The following CPAMD8 variants were observed in gnomAD, a reference collection of about 807,000 sequenced individuals.
The protein encoded by CPAMD8 is C3 and PZP like alpha-2-macroglobulin domain containing 8, also known as C3 and PZP-like alpha-2-macroglobulin domain-containing protein 8.
In CPAMD8, 146 loss-of-function variants were observed where a neutral mutation model predicts 224.7. That is an observed-to-expected ratio of 0.65 (90% CI 0.57 to 0.75). CPAMD8 has a LOEUF of 0.75. Ranked by LOEUF, CPAMD8 falls within the 30% of genes least tolerant of loss-of-function variation. The pLI is 0.00. For synonymous variants in CPAMD8, 966 were observed against 1,044.6 expected (o/e 0.92, Z 1.45); for missense variants, 2,301 against 2,537.5 (o/e 0.91, Z 2.00).
chr19:17,021,520 A>G (rs776101718), intron 2 of CPAMD8, among the ~76,000 whole-genome samples: 1 of 152,140 alleles, frequency 6.6e-6, no homozygotes, highest in African/African-American at 2.4e-5. Context: ...CAGCTTTCTG[A>G]GCCAGGGATC....
At chr19:16,954,146 T>C (rs1251547073) in intron 19 of CPAMD8, among the ~76,000 whole-genome samples, 1 of 151,710 alleles carries the variant, frequency 6.6e-6, no homozygotes, top group East Asian at 1.9e-4. Flanking sequence ...CACCCAGAAG[T>C]AGTGGGTGAA....
intron 30 of CPAMD8, among the ~76,000 whole-genome samples, chr19:16,905,917 A>G (rs1188990670): frequency 6.6e-6 from 1 of 152,106 alleles, no homozygotes; most frequent in African/African-American, 2.4e-5. Context: ...GGGGAGACTG[A>G]CAGCTCAAAA....
intron 21 of CPAMD8, among the ~76,000 whole-genome samples, chr19:16,946,556 T>C (rs2122263407): frequency 6.7e-6 from 1 of 149,766 alleles, no homozygotes; most frequent in South Asian, 2.1e-4. Flanking sequence ...TGTGGGCGTG[T>C]GTGTGGATTT....
intron 15 of CPAMD8, among the ~76,000 whole-genome samples, chr19:16,976,550 T>C (rs2055280190): frequency 6.6e-6 from 1 of 151,964 alleles, no homozygotes; most frequent in African/African-American, 2.4e-5. Flanking sequence ...GCCCCACCCA[T>C]GCACCCCCTG....
chr19:16,927,048 C>T (rs138227489), intron 25 of CPAMD8, among the ~76,000 whole-genome samples: 5 of 152,218 alleles, frequency 3.3e-5, no homozygotes, highest in African/African-American at 1.2e-4. Flanking sequence ...CCATCCCAAA[C>T]TCTCACCACC....
At chr19:16,987,206 A>ATATATATATATATATATATATG (rs1270399487) in intron 13 of CPAMD8, among the ~76,000 whole-genome samples, 1 of 127,900 alleles carries the variant, frequency 7.8e-6, no homozygotes, top group African/African-American at 2.9e-5. Context: ...ATATATATAT[A>ATATATATATATATATATATATG]TATGTATATG....
chr19:16,912,766 C>G (rs999473326), intron 29 of CPAMD8, among the ~76,000 whole-genome samples: 9 of 151,962 alleles, frequency 5.9e-5, no homozygotes, highest in African/African-American at 1.7e-4. Context: ...AAAAAAAAGT[C>G]TCACCTCAAG....
intron 20 of CPAMD8, among the ~76,000 whole-genome samples, chr19:16,951,012 A>AAGAG (rs956146125): frequency 6.6e-6 from 1 of 152,060 alleles, no homozygotes; most frequent in Admixed American, 6.6e-5. Flanking sequence ...TGCCGCCTCC[A>AAGAG]AGAGAGAGCT....
At chr19:16,968,346 T>A (rs1468291274) in intron 18 of CPAMD8, among the ~76,000 whole-genome samples, 5 of 152,128 alleles carry the variant, frequency 3.3e-5, no homozygotes, top group Admixed American at 3.3e-4. Context: ...GACTGAAGCA[T>A]CCAGGAGCCA....
chr19:16,918,747 C>CTTTTTTTTTT (rs3029467), intron 27 of CPAMD8, among the ~76,000 whole-genome samples: 1 of 127,510 alleles, frequency 7.8e-6, no homozygotes. Flanking sequence ...CACACCCAGA[C>CTTTTTTTTTT]TTTTTTTTTT....
chr19:16,960,160 C>T (rs770280663), intron 18 of CPAMD8, among the ~76,000 whole-genome samples: 31 of 151,772 alleles, frequency 2.0e-4, no homozygotes, highest in Admixed American at 4.6e-4. Context: ...TTGTTTGAGC[C>T]TCAGAAGCCT....
rs897332106 is a variant in CPAMD8, at chr19:16,896,655, G to A, written c.5076C>T (p.Pro1692=). The part of the protein sequence containing the change: ...RAPARGPGWF[P]GESGPAVAPE... ...GGGCCACGGCAGGGCCCGACTCGCC[G>A]GGGAACCAGCCTGGGGGACGAGGCA... Residue 1692 remains proline, a synonymous_variant, in exon 40 of 42, where the codon CCC becomes CCT. Coordinates refer to ENST00000443236, the MANE Select transcript of CPAMD8 (RefSeq NM_015692.5). 3.3e-5 allele frequency: 48 copies of A among 1,460,580 alleles called. No homozygotes were observed. In the African/African-American group the frequency reaches 6.2e-4, roughly 19 times the overall value. 90.5% of individuals were successfully genotyped at this position (1,460,580 alleles called of 1,614,324 possible). A position where few individuals can be genotyped will look rare whatever the true frequency, so the allele number is the denominator to read the frequency against.
chr19:16,942,879 A>G (rs2053947209), intron 22 of CPAMD8, among the ~76,000 whole-genome samples: 1 of 152,148 alleles, frequency 6.6e-6, no homozygotes. Flanking sequence ...GGGCATTTCT[A>G]AAGCCTTGTA....
At chr19:16,904,176 A>AGGGCCCCCCCCCCCCCCCCCC in intron 32 of CPAMD8, 50 bp downstream of exon 32, 3 of 937,338 alleles carry the variant, frequency 3.2e-6, no homozygotes, top group Non-Finnish European at 5.0e-6. Context: ...GACTGCAGGG[A>AGGGCCCCCCCCCCCCCCCCCC]CCCCACCCAC....
At position 16,898,558 on chromosome 19, in the gene CPAMD8, C is replaced by T. The variant is rs1352805792; in HGVS notation, c.4849-564G>A. On this transcript the variant is annotated intron_variant, in intron 37 of 41. Transcript: ENST00000443236. The surrounding 1 kb of genome is among the most constrained non-coding windows in gnomAD (Gnocchi z 4.2). The stretch of plus-strand genomic sequence containing the variant: ...TGCAATCATCACCTCTGTCTAGTTA[C>T]AGAACGGTTTCTTTCTCCCCCAAAG... 2.0e-5 allele frequency among the ~76,000 whole-genome samples: 3 copies of T among 152,154 alleles called. No individual in the cohort carries two copies. The highest frequency in any genetic ancestry group is 7.2e-5 in the African/African-American group (3 of 41,448).
chr19:16,950,119 G>A (rs564818655), intron 20 of CPAMD8, among the ~76,000 whole-genome samples: 36 of 152,066 alleles, frequency 2.4e-4, no homozygotes, highest in African/African-American at 7.2e-4. Flanking sequence ...CCAACATAGT[G>A]AAACCCCGTC....
Position 16,945,537 on chromosome 19 carries a change from A to C in CPAMD8, c.2793+12T>G. The C allele has an allele frequency of 6.2e-7, 1 of 1,613,428 alleles. No individual in the cohort carries two copies. The highest frequency in any genetic ancestry group is 8.5e-7 in the Non-Finnish European group (1 of 1,179,560). On this transcript the variant is annotated intron_variant, in intron 22 of 41. Coordinates refer to ENST00000443236, the MANE Select transcript of CPAMD8 (RefSeq NM_015692.5). Reference sequence around the variant, plus strand: ...CCCTGGCTAAGCACCAGAGATGAGGACACGGCCTTACCTCAACCATCACAC... The same window carrying C: ...CCCTGGCTAAGCACCAGAGATGAGGCCACGGCCTTACCTCAACCATCACAC...
chr19:17,020,702 G>A (rs1465987051), intron 2 of CPAMD8, among the ~76,000 whole-genome samples: 3 of 152,206 alleles, frequency 2.0e-5, no homozygotes, highest in Non-Finnish European at 4.4e-5. Flanking sequence ...AAGGAGAAGG[G>A]TGGAGAGAAA....
At chr19:17,021,662 T>C (rs1350102660) in intron 2 of CPAMD8, among the ~76,000 whole-genome samples, 1 of 152,204 alleles carries the variant, frequency 6.6e-6, no homozygotes. Flanking sequence ...CTGAGTCTAA[T>C]GGTTCAGGTG....
Sources: gnomAD v4.1 joint callset for allele counts (sites outside exome capture counted in the v4.1 genomes callset) on GRCh38, gnomAD v4.1.1 for gene constraint, Gnocchi (gnomAD v3.1) non-coding constraint, MANE v1.5 for transcripts, NCBI Gene and HGNC (gene_info 2026-07-23, HGNC 2026-07-21) for gene names.